The following ZRANB3 variants were observed in gnomAD, a reference collection of about 807,000 sequenced individuals.
ZRANB3 encodes DNA annealing helicase and endonuclease ZRANB3.
In ZRANB3, 125 loss-of-function variants were observed where a neutral mutation model predicts 133.8. The observed-to-expected ratio is 0.93, with a 90% CI of 0.81 to 1.08. The LOEUF (loss-of-function observed/expected upper bound fraction) is 1.08, where lower values mean the gene tolerates loss of function less well. Ranked by LOEUF, ZRANB3 falls within the 50% of genes least tolerant of loss-of-function variation. The probability of loss-of-function intolerance (pLI) is 0.00; values close to 1 mark genes in which losing one functional copy is unlikely to be tolerated. For missense variants in ZRANB3, 1,229 were observed against 1,275.5 expected (o/e 0.96, Z 0.56); for synonymous variants, 387 against 432.7 (o/e 0.89, Z 1.31).
At chr2:135,246,349 C>T (rs1695802429) in intron 12 of ZRANB3, among the ~76,000 whole-genome samples, 1 of 152,140 alleles carries the variant, frequency 6.6e-6, no homozygotes, top group Admixed American at 6.6e-5. Flanking sequence ...TAAAAATATG[C>T]TTCTAATGAC....
At chr2:135,417,293 G>A (rs1688629426) in intron 2 of ZRANB3, among the ~76,000 whole-genome samples, 1 of 151,870 alleles carries the variant, frequency 6.6e-6, no homozygotes, top group African/African-American at 2.4e-5. Flanking sequence ...ATCAAAAAGT[G>A]GGCAAAGGAT....
chr2:135,346,128 G>A (rs576381917), intron 5 of ZRANB3, among the ~76,000 whole-genome samples: 2 of 152,220 alleles, frequency 1.3e-5, no homozygotes, highest in South Asian at 4.2e-4. Context: ...ACGGAGTCTC[G>A]CTCTGTCGCC....
chr2:135,329,515 T>C (rs1684027275), intron 6 of ZRANB3, among the ~76,000 whole-genome samples: 2 of 152,218 alleles, frequency 1.3e-5, no homozygotes, highest in African/African-American at 4.8e-5. Context: ...TTTGTTCTTT[T>C]TGCTTAGGAT....
intron 2 of ZRANB3, among the ~76,000 whole-genome samples, chr2:135,497,397 CAG>C (rs1692722068): frequency 6.6e-6 from 1 of 152,146 alleles, no homozygotes; most frequent in African/African-American, 2.4e-5. Context: ...AGATGGCAAA[CAG>C]AGAAACAAAA....
chr2:135,425,804 C>A (rs1487350801), intron 2 of ZRANB3, among the ~76,000 whole-genome samples: 1 of 151,282 alleles, frequency 6.6e-6, no homozygotes, highest in Non-Finnish European at 1.5e-5. Context: ...AAGAGCAAAC[C>A]AACCCCAAGG....
At chr2:135,291,121 C>G (rs1681692577) in intron 8 of ZRANB3, among the ~76,000 whole-genome samples, 1 of 152,078 alleles carries the variant, frequency 6.6e-6, no homozygotes, top group African/African-American at 2.4e-5. Context: ...CTCGGCCTCC[C>G]AAAGTGCTGG....
intron 2 of ZRANB3, among the ~76,000 whole-genome samples, chr2:135,488,698 C>A (rs1260890495): frequency 1.3e-5 from 2 of 150,328 alleles, no homozygotes; most frequent in Non-Finnish European, 3.0e-5. Context: ...ATATACAAAG[C>A]ACAATTTGTA....
At chr2:135,414,458 T>A (rs140681248) in intron 2 of ZRANB3, among the ~76,000 whole-genome samples, 1 of 151,938 alleles carries the variant, frequency 6.6e-6, no homozygotes. Flanking sequence ...ATAAAGCGAG[T>A]CCTGAGTGAC....
intron 4 of ZRANB3, 45 bp downstream of exon 4, chr2:135,353,405 C>A (rs758829002): frequency 4.7e-5 from 66 of 1,401,936 alleles, no homozygotes; most frequent in Non-Finnish European, 6.1e-5. Flanking sequence ...ACCAGGTACA[C>A]ACAAGGAAGA....
At chr2:135,514,657 C>T (rs1202385219) in intron 1 of ZRANB3, among the ~76,000 whole-genome samples, 1 of 152,086 alleles carries the variant, frequency 6.6e-6, no homozygotes, top group Non-Finnish European at 1.5e-5. Flanking sequence ...ATTGCCCTGG[C>T]CAGAACTACC....
At chr2:135,431,260 C>A (rs1441909625) in intron 2 of ZRANB3, among the ~76,000 whole-genome samples, 5 of 151,430 alleles carry the variant, frequency 3.3e-5, no homozygotes, top group Admixed American at 1.3e-4. Context: ...CCACTGCATT[C>A]CAGACTGAAT....
chr2:135,270,048 T>C (rs181995649), intron 10 of ZRANB3, among the ~76,000 whole-genome samples: 61 of 152,326 alleles, frequency 4.0e-4, no homozygotes, highest in African/African-American at 1.4e-3. Flanking sequence ...AACAAAATCA[T>C]GCTAGCATTA....
chr2:135,411,201 G>A (rs1298066420), intron 2 of ZRANB3, among the ~76,000 whole-genome samples: 6 of 152,086 alleles, frequency 3.9e-5, no homozygotes, highest in Admixed American at 3.9e-4. Flanking sequence ...TCATGCCACT[G>A]CACACCAACC....
In ZRANB3 at chr2:135,251,323, C is replaced by T. The variant is rs564928708; in HGVS notation, c.1539+14211G>A. Reference sequence around the variant, plus strand: ...TAGGCAGAAGGGACTTGCCTTGTCTCAGATGAGACTTTGGACTGTGGACTT... The same window carrying T: ...TAGGCAGAAGGGACTTGCCTTGTCTTAGATGAGACTTTGGACTGTGGACTT... On this transcript the variant is annotated intron_variant, in intron 12 of 20. Transcript: ENST00000264159. 5.9e-5 allele frequency among the ~76,000 whole-genome samples: 9 copies of T among 152,318 alleles called. No homozygotes were observed. The East Asian group carries it at 1.5e-3, about 26-fold the overall frequency.
chr2:135,271,916 T>C (rs201999034), intron 9 of ZRANB3, 29 bp from the exon 10 acceptor site: 3 of 1,603,052 alleles, frequency 1.9e-6, no homozygotes, highest in Admixed American at 1.7e-5. Flanking sequence ...ACGGCAAAAT[T>C]AGGACAAGGC....
At chr2:135,441,326 T>A (rs1689768254) in intron 2 of ZRANB3, among the ~76,000 whole-genome samples, 1 of 152,136 alleles carries the variant, frequency 6.6e-6, no homozygotes, top group African/African-American at 2.4e-5. Flanking sequence ...CCGAATGACA[T>A]TCATGGTGTA....
At chr2:135,405,305 C>T (rs956204446) in intron 2 of ZRANB3, among the ~76,000 whole-genome samples, 5 of 152,132 alleles carry the variant, frequency 3.3e-5, no homozygotes, top group African/African-American at 4.8e-5. Flanking sequence ...TACAGGAGCA[C>T]CCAGATTCAT....
At chr2:135,514,255 G>C (rs1408499564) in intron 1 of ZRANB3, among the ~76,000 whole-genome samples, 1 of 152,166 alleles carries the variant, frequency 6.6e-6, no homozygotes, top group Non-Finnish European at 1.5e-5. Context: ...TCACAGTATT[G>C]ATTCTTCCTA....
In ZRANB3 at chr2:135,271,907, C is replaced by A. The variant is rs1392020886; in HGVS notation, c.1087-20G>T. On this transcript the variant is annotated intron_variant, in intron 9 of 20. Transcript: ENST00000264159. ...ACGAGTCTAGCATCAACAAGGAAAACGGCAAAATTAGGACAAGGCCCTATG... is the reference window on the plus strand; with the variant it reads ...ACGAGTCTAGCATCAACAAGGAAAAAGGCAAAATTAGGACAAGGCCCTATG... 1 of 1,603,936 alleles carries A rather than the reference C, an allele frequency of 6.2e-7. No homozygotes were observed. Among genetic ancestry groups the A allele is most frequent in the Non-Finnish European group, 8.5e-7 (1 of 1,176,114 alleles).
Sources: gnomAD v4.1 joint callset for allele counts (sites outside exome capture counted in the v4.1 genomes callset) on GRCh38, gnomAD v4.1.1 for gene constraint, MANE v1.5 for transcripts, NCBI Gene and HGNC (gene_info 2026-07-23, HGNC 2026-07-21) for gene names.